PTPRD: variants seen among roughly 807,000 people sequenced by gnomAD.
The protein encoded by PTPRD is receptor-type tyrosine-protein phosphatase delta.
PTPRD carries 34 observed loss-of-function variants against 214.5 expected under a neutral mutation model. That is an observed-to-expected ratio of 0.16 (90% CI 0.12 to 0.21). The LOEUF (loss-of-function observed/expected upper bound fraction) is 0.21. Ranked by LOEUF, PTPRD falls within the 10% of genes least tolerant of loss-of-function variation. The probability of loss-of-function intolerance (pLI) is 1.00; values close to 1 mark genes in which losing one functional copy is unlikely to be tolerated. For missense variants in PTPRD, 2,545 were observed against 2,398.7 expected, an observed-to-expected ratio of 1.06 and a Z score of -1.27; for synonymous variants, 1,128 against 845.7, an observed-to-expected ratio of 1.33 and a Z score of -5.79.
rs2098386258 is a variant in PTPRD, at chr9:10,088,527, T to C, written c.-544-54737A>G. On this transcript the variant is annotated intron_variant, in intron 3 of 45. Transcript: ENST00000381196. The stretch of plus-strand genomic sequence containing the variant: ...GGCAGATATGAGTCCTATAGTTTAT[T>C]AGTCTCTTTTCTGTCTATATGGAAG... 2.6e-5 allele frequency among the ~76,000 whole-genome samples: 4 copies of C among 151,722 alleles called. No individual in the cohort carries two copies. In the South Asian group the frequency reaches 8.3e-4, roughly 31 times the overall value.
intron 11 of PTPRD, among the ~76,000 whole-genome samples, chr9:8,917,725 T>C (rs1339962676): frequency 6.6e-6 from 1 of 152,170 alleles, no homozygotes; most frequent in African/African-American, 2.4e-5. Flanking sequence ...TCTATACAAT[T>C]CTGAAGGATG....
At chr9:8,707,299 A>G (rs923905837) in intron 12 of PTPRD, among the ~76,000 whole-genome samples, 5 of 152,370 alleles carry the variant, frequency 3.3e-5, no homozygotes, top group Non-Finnish European at 7.3e-5. Flanking sequence ...CTGGATGGGC[A>G]ATGGATATTT....
intron 9 of PTPRD, among the ~76,000 whole-genome samples, chr9:9,351,830 A>G (rs2051295331): frequency 1.3e-5 from 2 of 151,936 alleles, no homozygotes; most frequent in African/African-American, 4.8e-5. Context: ...TCATTGTTTA[A>G]ACTCTCTGTG....
intron 3 of PTPRD, among the ~76,000 whole-genome samples, chr9:10,135,614 A>T (rs1008149288): frequency 3.9e-5 from 6 of 152,134 alleles, no homozygotes; most frequent in African/African-American, 1.2e-4. Context: ...CAAGAATTTC[A>T]TGTTCAACCA....
intron 4 of PTPRD, among the ~76,000 whole-genome samples, chr9:9,995,466 C>G (rs1293885492): frequency 6.6e-6 from 1 of 152,176 alleles, no homozygotes; most frequent in African/African-American, 2.4e-5. Context: ...GTTTATAAAT[C>G]TCCCTCACGG....
At chr9:8,536,962 G>C (rs1315553837) in intron 14 of PTPRD, among the ~76,000 whole-genome samples, 1 of 151,952 alleles carries the variant, frequency 6.6e-6, no homozygotes, top group Non-Finnish European at 1.5e-5. Flanking sequence ...CACAGTATCA[G>C]GCTACAAACA....
intron 4 of PTPRD, among the ~76,000 whole-genome samples, chr9:10,029,862 G>T (rs1280488416): frequency 1.3e-5 from 2 of 152,154 alleles, no homozygotes; most frequent in African/African-American, 4.8e-5. Context: ...GGGACAGAAA[G>T]ATGTGGTTTG....
intron 11 of PTPRD, among the ~76,000 whole-genome samples, chr9:8,901,498 C>T (rs1490709875): frequency 6.6e-6 from 1 of 152,170 alleles, no homozygotes; most frequent in Non-Finnish European, 1.5e-5. Context: ...ATAAGTAGGG[C>T]AACACTTCTT....
intron 2 of PTPRD, among the ~76,000 whole-genome samples, chr9:10,432,833 C>T (rs575819393): frequency 4.6e-5 from 7 of 151,950 alleles, no homozygotes; most frequent in Non-Finnish European, 1.0e-4. Context: ...CAAACTACTC[C>T]TATTTCCCGA....
chr9:10,400,534 A>T (rs1247434388), intron 2 of PTPRD, among the ~76,000 whole-genome samples: 1 of 151,704 alleles, frequency 6.6e-6, no homozygotes, highest in Non-Finnish European at 1.5e-5. Context: ...CAAAGTAAAA[A>T]ATGAAATAAA....
At chr9:10,439,846 T>C (rs1400413106) in intron 2 of PTPRD, among the ~76,000 whole-genome samples, 1 of 151,776 alleles carries the variant, frequency 6.6e-6, no homozygotes, top group Non-Finnish European at 1.5e-5. Context: ...ATAATGTTTC[T>C]TGTTGATACA....
intron 2 of PTPRD, among the ~76,000 whole-genome samples, chr9:10,380,917 C>T (rs746237461): frequency 6.6e-6 from 1 of 151,950 alleles, no homozygotes; most frequent in Non-Finnish European, 1.5e-5. Flanking sequence ...ATGCACTTCA[C>T]ACATTGAAAA....
intron 3 of PTPRD, among the ~76,000 whole-genome samples, chr9:10,078,348 C>CA (rs35499698): frequency 0.028 from 3,372 of 119,892 alleles, 147 homozygotes; most frequent in East Asian, 0.17. Flanking sequence ...CCATCTCTTC[C>CA]AAAAAAAAAA....
intron 6 of PTPRD, among the ~76,000 whole-genome samples, chr9:9,762,435 T>A (rs117564092): frequency 0.022 from 3,418 of 152,304 alleles, 54 homozygotes; most frequent in Non-Finnish European, 0.035. Context: ...ATCTTTAGGT[T>A]TGGTTCCTTT....
At chr9:9,391,833 T>A (rs2065940429) in intron 9 of PTPRD, among the ~76,000 whole-genome samples, 1 of 152,184 alleles carries the variant, frequency 6.6e-6, no homozygotes. Context: ...AAAAGTTTCT[T>A]CTACACACCG....
At chr9:8,988,383 A>T (rs2154345584) in intron 11 of PTPRD, among the ~76,000 whole-genome samples, 1 of 152,198 alleles carries the variant, frequency 6.6e-6, no homozygotes, top group East Asian at 1.9e-4. Flanking sequence ...TGTTGCAGTG[A>T]CATCTATTAG....
chr9:8,984,577 A>G (rs1250498827), intron 11 of PTPRD, among the ~76,000 whole-genome samples: 2 of 152,168 alleles, frequency 1.3e-5, no homozygotes, highest in African/African-American at 4.8e-5. Flanking sequence ...GCAAGGAAGC[A>G]GTGGTAAAAT....
At chr9:10,604,636 C>T (rs2078851470) in intron 2 of PTPRD, among the ~76,000 whole-genome samples, 1 of 151,626 alleles carries the variant, frequency 6.6e-6, no homozygotes, top group Admixed American at 6.6e-5. Context: ...ACATATGTTT[C>T]CTAGGAGAAA....
chr9:10,411,837 A>G (rs868396649), intron 2 of PTPRD, among the ~76,000 whole-genome samples: 2 of 151,834 alleles, frequency 1.3e-5, no homozygotes, highest in South Asian at 2.1e-4. Context: ...AAACATTAAA[A>G]ACAAACTATT....
Sources: gnomAD v4.1 joint callset for allele counts (sites outside exome capture counted in the v4.1 genomes callset) on GRCh38, gnomAD v4.1.1 for gene constraint, MANE v1.5 for transcripts, NCBI Gene and HGNC (gene_info 2026-07-23, HGNC 2026-07-21) for gene names.